The following CD226 variants were observed in gnomAD, a reference collection of about 807,000 sequenced individuals.
CD226 encodes the protein CD226 molecule.
A neutral mutation model predicts 34.9 loss-of-function variants in CD226; 24 were observed. That is an observed-to-expected ratio of 0.69 (90% CI 0.50 to 0.97). The LOEUF (loss-of-function observed/expected upper bound fraction) is 0.97. Ranked by LOEUF, CD226 falls within the 50% of genes least tolerant of loss-of-function variation. The probability of loss-of-function intolerance (pLI) is 0.00; values close to 1 mark genes in which losing one functional copy is unlikely to be tolerated. For synonymous variants in CD226, 148 were observed against 147.4 expected (o/e 1.00, Z -0.03); for missense variants, 397 against 412.7 (o/e 0.96, Z 0.33).
chr18:69,938,133 G>C (rs572555531), intron 2 of CD226, among the ~76,000 whole-genome samples: 2 of 152,128 alleles, frequency 1.3e-5, no homozygotes, highest in Non-Finnish European at 2.9e-5. Flanking sequence ...GAGATAAATG[G>C]ACTGGAATAT....
chr18:69,885,554 A>G (rs572299392), intron 3 of CD226, among the ~76,000 whole-genome samples: 2 of 152,292 alleles, frequency 1.3e-5, no homozygotes, highest in African/African-American at 2.4e-5. Flanking sequence ...CCACACAGGA[A>G]GCGTCCAGTG....
chr18:69,957,497 T>C (rs1444298540), upstream of CD226, among the ~76,000 whole-genome samples: 1 of 152,184 alleles, frequency 6.6e-6, no homozygotes, highest in Non-Finnish European at 1.5e-5. Context: ...GTTAGTTTTA[T>C]TGATTCCTTT....
Position 69,864,344 on chromosome 18 carries a change from G to C in CD226, c.981C>G (p.Thr327=), listed in dbSNP as rs1349524798. The C allele has an allele frequency of 2.5e-6, 4 of 1,613,780 alleles. No individual in the cohort carries two copies. Among genetic ancestry groups the C allele is most frequent in the South Asian group, 2.2e-5 (2 of 91,076 alleles). The change falls in exon 6 of 6, where the codon ACC becomes ACG. Residue 327 remains threonine, a synonymous_variant. Transcript: ENST00000582621. ...CTCTAGTCTTTGGTCTGCGAGAGAA[G>C]GTTGGATAGTTGACATAAATATCCT... ...TREDIYVNYP[T]FSRRPKTRV
chr18:69,899,298 C>T (rs879385660), intron 2 of CD226, among the ~76,000 whole-genome samples: 21 of 152,338 alleles, frequency 1.4e-4, no homozygotes, highest in African/African-American at 5.1e-4. Flanking sequence ...GTCAACAGTT[C>T]TGCATATGCA....
chr18:69,923,886 G>A (rs1216286761), intron 2 of CD226, among the ~76,000 whole-genome samples: 9 of 151,402 alleles, frequency 5.9e-5, no homozygotes, highest in Admixed American at 2.0e-4. Flanking sequence ...CCCAGGAGGC[G>A]GAGCTTGCAG....
rs1348723657 is a variant in CD226 at position 69,859,545 on chromosome 18, T to A, written c.*4769A>T. On this transcript the variant is annotated 3_prime_UTR_variant, in exon 6 of 6. Coordinates refer to ENST00000582621, the MANE Select transcript of CD226 (RefSeq NM_001303618.2). ...TGGTGAGTTTGGGGAGAGAAAGACA[T>A]CTAAATGAATAATGAATGTCTAAAA... is the stretch of plus-strand genomic sequence containing the variant. 6.7e-6 allele frequency: 1 copy of A among 149,412 alleles called. No individual in the cohort carries two copies. The highest frequency in any genetic ancestry group is 1.5e-5 in the Non-Finnish European group (1 of 67,400). The allele number at this position is 149,412 out of a possible 1,614,324, so 9.3% of individuals were successfully genotyped here. A position where few individuals can be genotyped will look rare whatever the true frequency, so the allele number is the denominator to read the frequency against.
intron 2 of CD226, among the ~76,000 whole-genome samples, chr18:69,898,578 C>T (rs754909556): frequency 1.3e-5 from 2 of 152,146 alleles, no homozygotes; most frequent in Non-Finnish European, 2.9e-5. Flanking sequence ...GACCTAGACC[C>T]GCCTCTCAAT....
chr18:69,870,814 ATTATT>A (rs1983475440), intron 4 of CD226, among the ~76,000 whole-genome samples: 1 of 152,206 alleles, frequency 6.6e-6, no homozygotes, highest in Non-Finnish European at 1.5e-5. Context: ...AAGCTGCAGG[ATTATT>A]TTAAACAGTC....
At chr18:69,872,431 G>A (rs1189912814) in intron 4 of CD226, among the ~76,000 whole-genome samples, 2 of 151,936 alleles carry the variant, frequency 1.3e-5, no homozygotes, top group Non-Finnish European at 2.9e-5. Context: ...TTTAATTTTT[G>A]TTATTGACAG....
chr18:69,886,029 C>T (rs1212723914), intron 3 of CD226, among the ~76,000 whole-genome samples: 4 of 152,160 alleles, frequency 2.6e-5, no homozygotes, highest in African/African-American at 9.7e-5. Context: ...GTAGCTCCAC[C>T]GTCACCAGCT....
Position 69,857,268 on chromosome 18 carries a change from T to G in CD226, c.*7046A>C, listed in dbSNP as rs559468864. On this transcript the variant is annotated 3_prime_UTR_variant, in exon 6 of 6. Transcript: ENST00000582621. ...AGTAATCTCTATCTCTAGAAGCTACTGAGCCATTACATTTCTTTGTACATT... is the reference window on the plus strand; with the variant it reads ...AGTAATCTCTATCTCTAGAAGCTACGGAGCCATTACATTTCTTTGTACATT... 1 of 152,384 alleles carries G rather than the reference T, an allele frequency of 6.6e-6. No homozygotes were observed. Among genetic ancestry groups the G allele is most frequent in the East Asian group, 1.9e-4 (1 of 5,186 alleles). The allele number at this position is 152,384 out of a possible 1,614,324, so 9.4% of individuals were successfully genotyped here. A position where few individuals can be genotyped will look rare whatever the true frequency, so the allele number is the denominator to read the frequency against.
At chr18:69,922,274 C>G (rs1256391307) in intron 2 of CD226, among the ~76,000 whole-genome samples, 3 of 152,038 alleles carry the variant, frequency 2.0e-5, no homozygotes, top group African/African-American at 4.8e-5. Flanking sequence ...TGTTGAATGT[C>G]TATAATTTTC....
chr18:69,878,797 T>A (rs185187632), intron 3 of CD226, among the ~76,000 whole-genome samples: 1 of 152,306 alleles, frequency 6.6e-6, no homozygotes. Flanking sequence ...CTCCCAAGAC[T>A]TTCAGGGTCA....
intron 3 of CD226, among the ~76,000 whole-genome samples, chr18:69,878,818 G>C: frequency 6.6e-6 from 1 of 152,056 alleles, no homozygotes; most frequent in South Asian, 2.1e-4. Context: ...AGCAATTCCT[G>C]GTCAAGAAAC....
chr18:69,925,248 C>T (rs1692339084), intron 2 of CD226, among the ~76,000 whole-genome samples: 1 of 152,180 alleles, frequency 6.6e-6, no homozygotes, highest in Non-Finnish European at 1.5e-5. Context: ...GCCAGAGAGT[C>T]TCACTGCTAT....
chr18:69,867,525 G>C (rs879412036), intron 4 of CD226, 114 bp from the exon 5 acceptor site: 43 of 663,104 alleles, frequency 6.5e-5, no homozygotes, highest in Non-Finnish European at 1.1e-4. Context: ...CTAATATGTT[G>C]AAGTAGCTTT....
At chr18:69,866,019 A>G (rs145145538) in intron 5 of CD226, among the ~76,000 whole-genome samples, 4 of 17,934 alleles carry the variant, frequency 2.2e-4, no homozygotes, top group East Asian at 0.017. Flanking sequence ...CTAACTTGAG[A>G]AAAAAAAAAG....
Position 69,864,111 on chromosome 18 carries a change from G to A in CD226, c.*203C>T, listed in dbSNP as rs1478115303. 2 of 536,530 alleles carry A rather than the reference G, an allele frequency of 3.7e-6. No individual in the cohort carries two copies. The highest frequency in any genetic ancestry group is 3.8e-5 in the African/African-American group (2 of 52,434). 33.2% of individuals were successfully genotyped at this position (536,530 alleles called of 1,614,324 possible). A position where few individuals can be genotyped will look rare whatever the true frequency, so the allele number is the denominator to read the frequency against. ...TATATGATACAGTAAGTTTTCTTTT[G>A]TATATAAACCAGTTAGAGTCAGGTT... On this transcript the variant is annotated 3_prime_UTR_variant, in exon 6 of 6. Transcript: ENST00000582621.
At chr18:69,952,984 G>C (rs1428224512) in intron 1 of CD226, among the ~76,000 whole-genome samples, 1 of 152,088 alleles carries the variant, frequency 6.6e-6, no homozygotes, top group African/African-American at 2.4e-5. Context: ...CAGTCAATAA[G>C]GAAACACAAA....
Sources: gnomAD v4.1 joint callset for allele counts (sites outside exome capture counted in the v4.1 genomes callset) on GRCh38, gnomAD v4.1.1 for gene constraint, MANE v1.5 for transcripts, NCBI Gene and HGNC (gene_info 2026-07-23, HGNC 2026-07-21) for gene names.